The following ADAMTSL1 variants were observed in gnomAD, a reference collection of about 807,000 sequenced individuals.
ADAMTSL1 encodes the protein ADAMTS-like protein 1.
A neutral mutation model predicts 201.8 loss-of-function variants in ADAMTSL1; 126 were observed. The observed-to-expected ratio is 0.62, with a 90% CI of 0.54 to 0.72. The LOEUF (loss-of-function observed/expected upper bound fraction) is 0.72. Ranked by LOEUF, ADAMTSL1 falls within the 30% of genes least tolerant of loss-of-function variation. The pLI, the probability that ADAMTSL1 is intolerant of heterozygous loss-of-function variation, is 0.00. For synonymous variants in ADAMTSL1, 1,121 were observed against 903.4 expected (o/e 1.24, Z -4.32); for missense variants, 2,679 against 2,277.8 (o/e 1.18, Z -3.59).
intron 23 of ADAMTSL1, among the ~76,000 whole-genome samples, chr9:18,831,465 C>T (rs1456470136): frequency 6.6e-6 from 1 of 152,220 alleles, no homozygotes; most frequent in East Asian, 1.9e-4. Context: ...TTGGGTCACT[C>T]AGGTGCCATT....
At chr9:17,988,186 T>C (rs1313621438) in intron 1 of ADAMTSL1, among the ~76,000 whole-genome samples, 1 of 152,064 alleles carries the variant, frequency 6.6e-6, no homozygotes, top group East Asian at 1.9e-4. Flanking sequence ...ATTGGCATTG[T>C]TTTATTCCTC....
chr9:18,160,516 G>T (rs1271290391), intron 1 of ADAMTSL1, among the ~76,000 whole-genome samples: 3 of 152,012 alleles, frequency 2.0e-5, no homozygotes, highest in African/African-American at 7.2e-5. Flanking sequence ...GCAAAGGGAT[G>T]CCAACTTTAA....
rs1002965000 is a variant in ADAMTSL1 at position 17,985,829 on chromosome 9, A to C, written c.87+78907A>C. Among the ~76,000 whole-genome samples, 3 of 152,118 alleles carry C rather than the reference A, an allele frequency of 2.0e-5. No individual in the cohort carries two copies. In the South Asian group the frequency reaches 6.2e-4, roughly 32 times the overall value. On this transcript the variant is annotated intron_variant, in intron 1 of 29. Coordinates refer to the ADAMTSL1 transcript ENST00000680146. ...AAGAGCAACATCTGGAGTTTTTGTT[A>C]GTATGAATTGTAGGCACAAACCTCC...
At chr9:18,486,649 G>C (rs1822010962) in intron 1 of ADAMTSL1, among the ~76,000 whole-genome samples, 1 of 152,168 alleles carries the variant, frequency 6.6e-6, no homozygotes, top group Non-Finnish European at 1.5e-5. Context: ...AGGCTGCAGT[G>C]AGCCGAGATT....
At chr9:18,494,504 G>T (rs1241503740) in intron 1 of ADAMTSL1, among the ~76,000 whole-genome samples, 2 of 152,010 alleles carry the variant, frequency 1.3e-5, no homozygotes, top group African/African-American at 2.4e-5. Context: ...GGTGAGGAGG[G>T]GAATCTAGGC....
chr9:17,958,293 G>A (rs1270787084), intron 1 of ADAMTSL1, among the ~76,000 whole-genome samples: 2 of 152,162 alleles, frequency 1.3e-5, no homozygotes, highest in Admixed American at 6.6e-5. Flanking sequence ...CCCAATAAAT[G>A]ATGTTATAAT....
chr9:18,725,965 C>A (rs941867893), intron 15 of ADAMTSL1, among the ~76,000 whole-genome samples: 10 of 152,212 alleles, frequency 6.6e-5, no homozygotes, highest in Middle Eastern at 6.8e-3. Context: ...ATAAAAGAAC[C>A]AGCACATTGA....
chr9:17,966,107 C>A (rs185201799), intron 1 of ADAMTSL1, among the ~76,000 whole-genome samples: 1 of 152,214 alleles, frequency 6.6e-6, no homozygotes, highest in East Asian at 1.9e-4. Flanking sequence ...AATGTTGAGG[C>A]CCACCAGGAG....
At chr9:18,859,138 A>C (rs905068857) in intron 23 of ADAMTSL1, among the ~76,000 whole-genome samples, 1 of 152,254 alleles carries the variant, frequency 6.6e-6, no homozygotes, top group Admixed American at 6.5e-5. Flanking sequence ...TTAAAACAAG[A>C]CACATTTACT....
chr9:18,410,038 C>G (rs1325741974), intron 2 of ADAMTSL1, among the ~76,000 whole-genome samples: 1 of 151,676 alleles, frequency 6.6e-6, no homozygotes, highest in African/African-American at 2.4e-5. Flanking sequence ...TAATATTGAG[C>G]TTGGCGTTTA....
At chr9:18,524,819 G>A (rs558502481) in intron 2 of ADAMTSL1, among the ~76,000 whole-genome samples, 2 of 152,314 alleles carry the variant, frequency 1.3e-5, no homozygotes, top group South Asian at 4.1e-4. Flanking sequence ...CAAGCTTTTT[G>A]ATGTGCTGCT....
intron 2 of ADAMTSL1, among the ~76,000 whole-genome samples, chr9:18,248,603 C>A (rs1831348897): frequency 6.6e-6 from 1 of 152,124 alleles, no homozygotes; most frequent in Non-Finnish European, 1.5e-5. Flanking sequence ...AAAGCAGTAG[C>A]ATATAAAAAT....
At chr9:18,524,888 T>C (rs765764596) in intron 2 of ADAMTSL1, among the ~76,000 whole-genome samples, 1 of 152,196 alleles carries the variant, frequency 6.6e-6, no homozygotes, top group Non-Finnish European at 1.5e-5. Flanking sequence ...TCAGGGATAT[T>C]GGTCTAAAAT....
intron 1 of ADAMTSL1, among the ~76,000 whole-genome samples, chr9:18,078,246 T>TGGGG (rs1188385320): frequency 2.6e-5 from 4 of 152,156 alleles, no homozygotes; most frequent in Non-Finnish European, 5.9e-5. Context: ...CATTGTGCCT[T>TGGGG]TTATAGTCGC....
intron 9 of ADAMTSL1, among the ~76,000 whole-genome samples, chr9:18,666,579 T>C (rs998543797): frequency 2.0e-5 from 3 of 152,188 alleles, no homozygotes; most frequent in African/African-American, 7.2e-5. Flanking sequence ...ATTTAGGATC[T>C]AGTAAAATGT....
At chr9:18,232,222 T>A (rs904025535) in intron 2 of ADAMTSL1, among the ~76,000 whole-genome samples, 3 of 152,192 alleles carry the variant, frequency 2.0e-5, no homozygotes, top group Non-Finnish European at 4.4e-5. Flanking sequence ...CAGACATGCC[T>A]GCCTGGATCC....
At chr9:18,035,762 C>G (rs1563961942) in intron 1 of ADAMTSL1, among the ~76,000 whole-genome samples, 2 of 152,078 alleles carry the variant, frequency 1.3e-5, no homozygotes, top group Non-Finnish European at 2.9e-5. Flanking sequence ...GAGGGCAGGT[C>G]TCATTGACTA....
chr9:18,217,135 A>C (rs1563813995), intron 2 of ADAMTSL1, among the ~76,000 whole-genome samples: 1 of 152,192 alleles, frequency 6.6e-6, no homozygotes, highest in Non-Finnish European at 1.5e-5. Context: ...CAGTTACTTT[A>C]TCTCTCTAGA....
intron 5 of ADAMTSL1, among the ~76,000 whole-genome samples, chr9:18,627,474 C>T (rs1051631447): frequency 1.4e-4 from 21 of 152,122 alleles, no homozygotes; most frequent in South Asian, 4.1e-4. Context: ...GTTCTGGGGG[C>T]GTCAGAAAAC....
Sources: gnomAD v4.1 joint callset for allele counts (sites outside exome capture counted in the v4.1 genomes callset) on GRCh38, gnomAD v4.1.1 for gene constraint, MANE v1.5 for transcripts, NCBI Gene and HGNC (gene_info 2026-07-23, HGNC 2026-07-21) for gene names.